LEPR: variants seen among roughly 807,000 people sequenced by gnomAD.
LEPR encodes the protein leptin receptor, also known as OB receptor.
LEPR carries 56 observed loss-of-function variants against 114.7 expected under a neutral mutation model. The ratio of observed to expected loss-of-function variants is 0.49; its 90% CI spans 0.39 to 0.61. The LOEUF (loss-of-function observed/expected upper bound fraction) is 0.61. Among genes scored for constraint, LEPR ranks in the 20% least tolerant of loss-of-function variants. The probability of loss-of-function intolerance (pLI) is 0.00; values close to 1 mark genes in which losing one functional copy is unlikely to be tolerated. For synonymous variants in LEPR, 443 were observed against 461.4 expected (o/e 0.96, Z 0.51); for missense variants, 1,202 against 1,352.9 (o/e 0.89, Z 1.75).
At chr1:65,627,881 T>A (rs1308217609) in intron 19 of LEPR, among the ~76,000 whole-genome samples, 1 of 152,170 alleles carries the variant, frequency 6.6e-6, no homozygotes, top group Non-Finnish European at 1.5e-5. Flanking sequence ...AATTCAGATA[T>A]TTTGAATATT....
At chr1:65,545,404 C>A (rs1651614961) in intron 2 of LEPR, among the ~76,000 whole-genome samples, 1 of 151,856 alleles carries the variant, frequency 6.6e-6, no homozygotes, top group African/African-American at 2.4e-5. Flanking sequence ...AATGGTTGAA[C>A]TAGTTTAGAG....
At chr1:65,501,810 G>C (rs772009319) in intron 2 of LEPR, among the ~76,000 whole-genome samples, 1 of 152,200 alleles carries the variant, frequency 6.6e-6, no homozygotes, top group East Asian at 1.9e-4. Flanking sequence ...GTCCAAGGAG[G>C]ATATTCGAGA....
rs551331373 is a variant in LEPR at position 65,466,452 on chromosome 1, T to C, written c.-21+41074T>C. 7.0e-4 allele frequency among the ~76,000 whole-genome samples: 106 copies of C among 152,350 alleles called. 1 individual carries two copies. Among genetic ancestry groups the C allele is most frequent in the African/African-American group, 2.2e-3 (93 of 41,586 alleles). The stretch of plus-strand genomic sequence containing the variant: ...GCCTGACCTTTCTGTCTGGCTGCCC[T>C]TAACATTTTTTCCTTCATTTCGACC... On this transcript the variant is annotated intron_variant, in intron 2 of 19. Transcript: ENST00000349533.
intron 5 of LEPR, chr1:65,576,994 TG>T: frequency 3.3e-6 from 1 of 299,412 alleles, no homozygotes. Flanking sequence ...GTTGGTGCTG[TG>T]GCTTTTTCTG....
intron 7 of LEPR, among the ~76,000 whole-genome samples, chr1:65,597,626 G>A (rs58382953): frequency 0.016 from 2,421 of 152,174 alleles, 71 homozygotes; most frequent in African/African-American, 0.054. Flanking sequence ...CAGCAGTAGT[G>A]GTTGAATTCA....
chr1:65,636,495 C>T lies in LEPR; in HGVS notation c.2978C>T (p.Ser993Phe), dbSNP rs1166585540. The change falls in exon 20 of 20, where the codon TCT becomes TTT. Residue 993 changes from serine to phenylalanine, a missense_variant. Transcript: ENST00000349533. ...FVKYATLISN[S>F]KPSETGEEQG... ...AAATACGCCACGCTGATCAGCAACT[C>T]TAAACCAAGTGAAACTGGTGAAGAA... The T allele has an allele frequency of 6.2e-7, 1 of 1,613,970 alleles. No individual in the cohort carries two copies. Among genetic ancestry groups the T allele is most frequent in the Admixed American group, 1.7e-5 (1 of 59,978 alleles).
At chr1:65,484,039 T>G (rs1647349275) in intron 2 of LEPR, among the ~76,000 whole-genome samples, 1 of 151,976 alleles carries the variant, frequency 6.6e-6, no homozygotes, top group Non-Finnish European at 1.5e-5. Flanking sequence ...AAATTTTTTG[T>G]AGAGGTAGGG....
chr1:65,611,689 T>C (rs1217411323), intron 14 of LEPR, among the ~76,000 whole-genome samples: 1 of 152,228 alleles, frequency 6.6e-6, no homozygotes, highest in East Asian at 1.9e-4. Flanking sequence ...GTTTTCCTCA[T>C]ATCATGGATT....
chr1:65,485,243 G>A (rs1208930381), intron 2 of LEPR, among the ~76,000 whole-genome samples: 6 of 152,106 alleles, frequency 3.9e-5, no homozygotes, highest in South Asian at 2.1e-4. Context: ...TTCAGATAAA[G>A]CAGTCAACAC....
rs747205040 is a variant in LEPR, at chr1:65,616,151, G to A, written c.2139G>A (p.Thr713=). 11 of 1,614,098 alleles carry A rather than the reference G, an allele frequency of 6.8e-6. No individual in the cohort carries two copies. The South Asian group carries it at 1.1e-4, about 16-fold the overall frequency. Residue 713 remains threonine, a synonymous_variant, in exon 15 of 20, where the codon ACG becomes ACA. Coordinates refer to ENST00000349533, the MANE Select transcript of LEPR (RefSeq NM_002303.6). The part of the protein sequence containing the change: ...FLWTEQAHTV[T]VLAINSIGAS... The stretch of plus-strand genomic sequence containing the variant: ...GGACAGAGCAAGCACATACTGTTAC[G>A]GTTCTGGCCATCAATTCAATTGGTG...
At chr1:65,520,526 A>G (rs1175294297) in intron 2 of LEPR, among the ~76,000 whole-genome samples, 3 of 152,166 alleles carry the variant, frequency 2.0e-5, no homozygotes, top group East Asian at 1.9e-4. Context: ...AATCCTAGAA[A>G]ATGTGGCATT....
intron 14 of LEPR, among the ~76,000 whole-genome samples, chr1:65,611,467 T>C (rs2100973587): frequency 6.6e-6 from 1 of 152,338 alleles, no homozygotes; most frequent in South Asian, 2.1e-4. Flanking sequence ...CTGTTCCAGA[T>C]ACCTGCAAAC....
At chr1:65,472,904 C>T (rs989675508) in intron 2 of LEPR, among the ~76,000 whole-genome samples, 2 of 152,112 alleles carry the variant, frequency 1.3e-5, no homozygotes, top group African/African-American at 4.8e-5. Context: ...TTAAAAGGGA[C>T]CTCAGATAGC....
intron 2 of LEPR, chr1:65,429,832 T>C: frequency 7.2e-7 from 1 of 1,393,604 alleles, no homozygotes; most frequent in Non-Finnish European, 9.4e-7. Flanking sequence ...TTACTTTTCT[T>C]TTTGGATTTT....
intron 2 of LEPR, among the ~76,000 whole-genome samples, chr1:65,564,009 TTGTC>T (rs1359250557): frequency 1.4e-5 from 2 of 144,644 alleles, no homozygotes; most frequent in African/African-American, 2.5e-5. Flanking sequence ...GTCTTTTTGT[TTGTC>T]TGTGCCCTGC....
At chr1:65,544,605 A>G (rs1438451409) in intron 2 of LEPR, among the ~76,000 whole-genome samples, 1 of 151,762 alleles carries the variant, frequency 6.6e-6, no homozygotes, top group Non-Finnish European at 1.5e-5. Flanking sequence ...ATTTTTAGAT[A>G]TGTTCCATCA....
chr1:65,625,775 T>C (rs11811985), intron 19 of LEPR, among the ~76,000 whole-genome samples: 33,996 of 151,996 alleles, frequency 0.22, 4,163 homozygotes, highest in South Asian at 0.33. Flanking sequence ...AAACACTAAG[T>C]CATGTGGAAG....
At chr1:65,547,167 A>G (rs1210184051) in intron 2 of LEPR, among the ~76,000 whole-genome samples, 2 of 151,342 alleles carry the variant, frequency 1.3e-5, no homozygotes, top group South Asian at 2.1e-4. Context: ...CCACTTGATC[A>G]TGGCGGATAA....
At chr1:65,591,408 C>T (rs1041014290) in intron 5 of LEPR, among the ~76,000 whole-genome samples, 6 of 152,070 alleles carry the variant, frequency 3.9e-5, no homozygotes, top group Non-Finnish European at 7.4e-5. Flanking sequence ...AAGAATGTTA[C>T]ATCAATGATG....
Sources: gnomAD v4.1 joint callset for allele counts (sites outside exome capture counted in the v4.1 genomes callset) on GRCh38, gnomAD v4.1.1 for gene constraint, MANE v1.5 for transcripts, NCBI Gene and HGNC (gene_info 2026-07-23, HGNC 2026-07-21) for gene names.